TMTC2: variants seen among roughly 807,000 people sequenced by gnomAD.
TMTC2 encodes protein O-mannosyl-transferase TMTC2.
TMTC2 carries 43 observed loss-of-function variants against 82.4 expected under a neutral mutation model. The observed-to-expected ratio is 0.52, with a 90% CI of 0.41 to 0.67. The LOEUF (loss-of-function observed/expected upper bound fraction) is 0.67, where lower values mean the gene tolerates loss of function less well. Among genes scored for constraint, TMTC2 ranks in the 30% least tolerant of loss-of-function variants. The pLI is 0.00. For synonymous variants in TMTC2, 408 were observed against 381.9 expected (o/e 1.07, Z -0.80); for missense variants, 919 against 1,012.4 (o/e 0.91, Z 1.25).
chr12:82,764,880 C>A (rs1330817072), intron 1 of TMTC2, among the ~76,000 whole-genome samples: 1 of 146,016 alleles, frequency 6.8e-6, no homozygotes, highest in Non-Finnish European at 1.5e-5. Context: ...ACAAATAGGG[C>A]AGAGGAAAAA....
chr12:83,029,770 T>G (rs1457807873), intron 8 of TMTC2, among the ~76,000 whole-genome samples: 2 of 152,222 alleles, frequency 1.3e-5, no homozygotes, highest in Admixed American at 6.5e-5. Context: ...TAACTGTGGT[T>G]CAGAGGCAAT....
intron 9 of TMTC2, among the ~76,000 whole-genome samples, chr12:83,039,921 T>C (rs148032903): frequency 6.6e-5 from 10 of 152,332 alleles, no homozygotes; most frequent in Middle Eastern, 3.4e-3. Context: ...TCAAGTAATA[T>C]GGTGTGTCCT....
At chr12:83,004,522 C>G (rs949343617) in intron 8 of TMTC2, among the ~76,000 whole-genome samples, 2 of 151,948 alleles carry the variant, frequency 1.3e-5, no homozygotes, top group African/African-American at 4.8e-5. Context: ...GTTCCTTTAT[C>G]TGTTTTAGAA....
At chr12:82,783,637 G>A (rs1878021290) in intron 1 of TMTC2, among the ~76,000 whole-genome samples, 1 of 152,124 alleles carries the variant, frequency 6.6e-6, no homozygotes, top group Non-Finnish European at 1.5e-5. Context: ...GCATGGTTAT[G>A]TGTTTAATGC....
intron 4 of TMTC2, among the ~76,000 whole-genome samples, chr12:82,932,017 C>A (rs914256463): frequency 6.6e-6 from 1 of 151,992 alleles, no homozygotes; most frequent in Non-Finnish European, 1.5e-5. Flanking sequence ...AAGGTGCTTG[C>A]GGCTTGTGTT....
At chr12:82,701,535 T>G (rs1873079921) in intron 1 of TMTC2, among the ~76,000 whole-genome samples, 1 of 148,820 alleles carries the variant, frequency 6.7e-6, no homozygotes, top group Non-Finnish European at 1.5e-5. Flanking sequence ...GCGGATCACC[T>G]GAGGTTGGGA....
intron 1 of TMTC2, among the ~76,000 whole-genome samples, chr12:82,854,058 T>A (rs1319834692): frequency 2.6e-5 from 4 of 152,088 alleles, no homozygotes; most frequent in Non-Finnish European, 5.9e-5. Flanking sequence ...AGATCCAGAA[T>A]AACATCTGGT....
At position 82,857,102 on chromosome 12, in the gene TMTC2, G is replaced by A; in HGVS notation, c.176G>A (p.Ser59Asn). 2 of 1,614,024 alleles carry A rather than the reference G, an allele frequency of 1.2e-6. No individual in the cohort carries two copies. Among genetic ancestry groups the A allele is most frequent in the Non-Finnish European group, 1.7e-6 (2 of 1,180,026 alleles). ...TTTTGGGGGACTCTTCTAACCCACAGTGGCAGCCACAAGTCCTACCGGCCA... is the reference window on the plus strand; with the variant it reads ...TTTTGGGGGACTCTTCTAACCCACAATGGCAGCCACAAGTCCTACCGGCCA... ...NDFWGTLLTHSGSHKSYRPLC... is the reference protein window; with the variant it reads ...NDFWGTLLTHNGSHKSYRPLC... Residue 59 changes from serine (S) to asparagine (N), a missense_variant, in exon 2 of 12, where the codon AGT (serine) becomes AAT (asparagine). Transcript: ENST00000321196.
In TMTC2 at chr12:83,033,954, CT is replaced by C. The variant is rs1308356449; in HGVS notation, c.2152+3084del. ...TTGTGGTTTTATTTTTGGGGGTTTG[CT>C]TTTTTTTTCCCCAAAATATTGGCAA... On this transcript the variant is annotated intron_variant, in intron 9 of 11. Transcript: ENST00000321196. Among the ~76,000 whole-genome samples, 96 of 145,464 alleles carry C rather than the reference CT, an allele frequency of 6.6e-4. No homozygotes were observed. The East Asian group carries it at 0.012, about 19-fold the overall frequency.
intron 11 of TMTC2, among the ~76,000 whole-genome samples, chr12:83,108,823 T>C (rs1053147648): frequency 3.9e-5 from 6 of 152,178 alleles, no homozygotes; most frequent in Non-Finnish European, 7.4e-5. Flanking sequence ...TGCTAACAAG[T>C]GAAGATTGTC....
chr12:82,802,678 A>G (rs919452474), intron 1 of TMTC2, among the ~76,000 whole-genome samples: 10 of 152,194 alleles, frequency 6.6e-5, no homozygotes, highest in African/African-American at 2.2e-4. Flanking sequence ...AGGAAAAGGC[A>G]TGAGATATAG....
intron 8 of TMTC2, among the ~76,000 whole-genome samples, chr12:83,006,587 A>C (rs1008704731): frequency 1.3e-5 from 2 of 152,180 alleles, no homozygotes; most frequent in African/African-American, 2.4e-5. Flanking sequence ...TTGACCCAGC[A>C]ATCCCATTAC....
At chr12:83,099,846 A>G (rs1884154568) in intron 11 of TMTC2, among the ~76,000 whole-genome samples, 1 of 152,086 alleles carries the variant, frequency 6.6e-6, no homozygotes, top group African/African-American at 2.4e-5. Flanking sequence ...TTTGCACATT[A>G]CTACTGAATT....
rs1036237193 is a variant in TMTC2, at chr12:82,722,535, C to G, written c.83+34866C>G. ...TGAGCAGAGATCCTGCCACTGCACT[C>G]CAGCCTGGGCCACAGAGTGAGACTC... On this transcript the variant is annotated intron_variant, in intron 1 of 11. Transcript: ENST00000321196. Among the ~76,000 whole-genome samples, 8 of 129,596 alleles carry G rather than the reference C, an allele frequency of 6.2e-5. No homozygotes were observed. In the Admixed American group the frequency reaches 7.1e-4, roughly 11 times the overall value. The allele number at this position is 129,596 out of a possible 152,430, so 85.0% of individuals were successfully genotyped here.
At chr12:82,739,544 C>G (rs1391423823) in intron 1 of TMTC2, among the ~76,000 whole-genome samples, 1 of 151,902 alleles carries the variant, frequency 6.6e-6, no homozygotes, top group African/African-American at 2.4e-5. Flanking sequence ...TTAGGACTTG[C>G]CATTTCTAAC....
At chr12:83,123,604 AT>A (rs1172492165) in intron 11 of TMTC2, among the ~76,000 whole-genome samples, 1 of 151,944 alleles carries the variant, frequency 6.6e-6, no homozygotes, top group Non-Finnish European at 1.5e-5. Flanking sequence ...GTAAGGACTT[AT>A]TTTTTTCATT....
At chr12:83,041,414 A>G (rs1881891016) in intron 9 of TMTC2, among the ~76,000 whole-genome samples, 1 of 152,196 alleles carries the variant, frequency 6.6e-6, no homozygotes, top group Non-Finnish European at 1.5e-5. Context: ...CTAAAGTTGT[A>G]AGGATTTATT....
chr12:82,972,663 T>A (rs1878500402), intron 7 of TMTC2, among the ~76,000 whole-genome samples: 1 of 152,088 alleles, frequency 6.6e-6, no homozygotes, highest in African/African-American at 2.4e-5. Flanking sequence ...TAGCTACAAG[T>A]GATGTTTAGT....
At chr12:82,870,098 A>AATTCATCAT (rs1565786022) in intron 2 of TMTC2, among the ~76,000 whole-genome samples, 1 of 152,056 alleles carries the variant, frequency 6.6e-6, no homozygotes, top group East Asian at 1.9e-4. Context: ...CTGTCACTCA[A>AATTCATCAT]ATTCATCATT....
Sources: gnomAD v4.1 joint callset for allele counts (sites outside exome capture counted in the v4.1 genomes callset) on GRCh38, gnomAD v4.1.1 for gene constraint, MANE v1.5 for transcripts, NCBI Gene and HGNC (gene_info 2026-07-23, HGNC 2026-07-21) for gene names.